The following GRID2 variants were observed in gnomAD, a reference collection of about 807,000 sequenced individuals.
GRID2 encodes the protein glutamate ionotropic receptor delta type subunit 2.
GRID2 carries 33 observed loss-of-function variants against 114.8 expected under a neutral mutation model. The observed-to-expected ratio is 0.29, with a 90% CI of 0.22 to 0.38. The LOEUF (loss-of-function observed/expected upper bound fraction) is 0.38. Ranked by LOEUF, GRID2 falls within the 10% of genes least tolerant of loss-of-function variation. The pLI is 1.00. For missense variants in GRID2, 1,184 were observed against 1,257.7 expected, an observed-to-expected ratio of 0.94 and a Z score of 0.89; for synonymous variants, 505 against 449.9, an observed-to-expected ratio of 1.12 and a Z score of -1.55.
At chr4:93,726,291 T>A (rs1297829251) in intron 14 of GRID2, among the ~76,000 whole-genome samples, 1 of 152,226 alleles carries the variant, frequency 6.6e-6, no homozygotes, top group East Asian at 1.9e-4. Flanking sequence ...GATCAGATAG[T>A]TGTAGATATG....
In GRID2 at chr4:92,672,857, A is replaced by G. The variant is rs1403248277; in HGVS notation, c.244+82571A>G. On this transcript the variant is annotated intron_variant, in intron 2 of 15. Coordinates refer to ENST00000282020, the MANE Select transcript of GRID2 (RefSeq NM_001510.4). ...ATTGTTCTCTTTGAACTATTTTGAAATGTACAATGAAATAATATTAACTAT... is the reference window on the plus strand; with the variant it reads ...ATTGTTCTCTTTGAACTATTTTGAAGTGTACAATGAAATAATATTAACTAT... 3.9e-5 allele frequency among the ~76,000 whole-genome samples: 6 copies of G among 152,168 alleles called. No individual in the cohort carries two copies. In the East Asian group the frequency reaches 1.2e-3, roughly 29 times the overall value.
intron 1 of GRID2, among the ~76,000 whole-genome samples, chr4:92,369,534 T>C (rs902023123): frequency 3.9e-5 from 6 of 152,222 alleles, no homozygotes; most frequent in African/African-American, 1.2e-4. Flanking sequence ...GACTGAACTA[T>C]GTACCTGTAA....
chr4:93,163,370 ATATATAT>A (rs1560941614), intron 4 of GRID2, among the ~76,000 whole-genome samples: 1 of 53,092 alleles, frequency 1.9e-5, no homozygotes, highest in African/African-American at 7.5e-5. Flanking sequence ...ATATATATAT[ATATATAT>A]ATATATATAT....
In GRID2 at chr4:92,711,795, C is replaced by T. The variant is rs1735267647; in HGVS notation, c.244+121509C>T. On this transcript the variant is annotated intron_variant, in intron 2 of 15. Transcript: ENST00000282020. ...GCAGACACCTGTAGTCTCAGCTACT[C>T]AGGAAGCTTAGGCAGGAGGATCACT... is the stretch of plus-strand genomic sequence containing the variant. Among the ~76,000 whole-genome samples, 3 of 152,152 alleles carry T rather than the reference C, an allele frequency of 2.0e-5. No homozygotes were observed. The South Asian group carries it at 6.2e-4, about 32-fold the overall frequency.
At chr4:92,640,442 G>A (rs1479327) in intron 2 of GRID2, among the ~76,000 whole-genome samples, 45,010 of 151,436 alleles carry the variant, frequency 0.3, 6,706 homozygotes, top group African/African-American at 0.36. Flanking sequence ...ATGTTAGAAT[G>A]CATGAAAAAT....
rs796103574 is a variant in GRID2 at position 92,440,916 on chromosome 4, G to A, written c.88+136172G>A. 3.3e-3 allele frequency among the ~76,000 whole-genome samples: 505 copies of A among 152,160 alleles called. 4 individuals carry two copies. The highest frequency in any genetic ancestry group is 0.011 in the African/African-American group (463 of 41,490). On this transcript the variant is annotated intron_variant, in intron 1 of 15. Transcript: ENST00000282020. ...AAGAGTGAGTATAGCTGAAGGAGCC[G>A]GGAAGCAGAAAGTATATGAATCAGG...
At chr4:92,719,841 G>A (rs376454889) in intron 2 of GRID2, among the ~76,000 whole-genome samples, 4 of 152,220 alleles carry the variant, frequency 2.6e-5, no homozygotes, top group African/African-American at 7.2e-5. Context: ...ATCAGAGAAT[G>A]AGCCAATTCT....
chr4:93,346,672 T>G (rs1015614803), intron 8 of GRID2, among the ~76,000 whole-genome samples: 5 of 152,188 alleles, frequency 3.3e-5, no homozygotes, highest in Non-Finnish European at 7.4e-5. Context: ...ATATCTTTCC[T>G]GGCTCATTTG....
intron 2 of GRID2, among the ~76,000 whole-genome samples, chr4:92,634,865 G>A (rs1288266928): frequency 5.1e-5 from 7 of 136,168 alleles, no homozygotes; most frequent in Non-Finnish European, 8.0e-5. Context: ...GAGACAGAGA[G>A]AGAGAGAGAG....
intron 8 of GRID2, among the ~76,000 whole-genome samples, chr4:93,272,524 TG>T (rs1751574407): frequency 6.6e-6 from 1 of 152,170 alleles, no homozygotes; most frequent in Non-Finnish European, 1.5e-5. Context: ...AGGGAGTGCA[TG>T]GTCTGAGAAG....
rs1460084906 is a variant in GRID2, at chr4:93,719,262, C to T, written c.2361-49948C>T. 7.2e-5 allele frequency among the ~76,000 whole-genome samples: 11 copies of T among 152,092 alleles called. No homozygotes were observed. The East Asian group carries it at 1.4e-3, about 19-fold the overall frequency. The stretch of plus-strand genomic sequence containing the variant: ...TTAAGTTGAATCTAACTCAATTTTA[C>T]AAGTTTGACAAGATAAACAGAAGAA... On this transcript the variant is annotated intron_variant, in intron 14 of 15. Coordinates refer to ENST00000282020, the MANE Select transcript of GRID2 (RefSeq NM_001510.4).
chr4:93,448,623 C>A (rs1003327351), intron 10 of GRID2, among the ~76,000 whole-genome samples: 4 of 151,704 alleles, frequency 2.6e-5, no homozygotes, highest in East Asian at 2.0e-4. Context: ...TTTAGAAGAA[C>A]AGTAAGAGAA....
At chr4:93,349,451 C>T (rs1166878331) in intron 8 of GRID2, among the ~76,000 whole-genome samples, 1 of 151,440 alleles carries the variant, frequency 6.6e-6, no homozygotes, top group Admixed American at 6.6e-5. Context: ...TTTCTTTTTT[C>T]TCTCTCATTC....
chr4:92,909,343 A>G (rs2149489337), intron 2 of GRID2, among the ~76,000 whole-genome samples: 1 of 152,178 alleles, frequency 6.6e-6, no homozygotes, highest in African/African-American at 2.4e-5. Context: ...CTCTAATAAA[A>G]GAGCACTTTT....
chr4:93,034,436 G>A (rs1013770275), intron 2 of GRID2, among the ~76,000 whole-genome samples: 4 of 152,132 alleles, frequency 2.6e-5, no homozygotes, highest in Admixed American at 6.6e-5. Flanking sequence ...GAAACAAGCC[G>A]ACAATAGTAA....
intron 2 of GRID2, among the ~76,000 whole-genome samples, chr4:92,726,355 C>T (rs185605194): frequency 7.0e-4 from 107 of 152,186 alleles, no homozygotes; most frequent in African/African-American, 2.4e-3. Flanking sequence ...GCAGCTGCAA[C>T]GTCACTCAGA....
chr4:93,170,912 A>C (rs1738749957), intron 4 of GRID2, among the ~76,000 whole-genome samples: 1 of 151,614 alleles, frequency 6.6e-6, no homozygotes, highest in African/African-American at 2.4e-5. Context: ...TTTACTTTTA[A>C]ATATACTCAG....
intron 14 of GRID2, among the ~76,000 whole-genome samples, chr4:93,629,114 AT>A (rs1350021393): frequency 6.6e-6 from 1 of 152,200 alleles, no homozygotes; most frequent in Non-Finnish European, 1.5e-5. Flanking sequence ...CGTAATAGTA[AT>A]TAAAGAAATG....
chr4:93,074,140 A>G (rs1156553008), intron 2 of GRID2, among the ~76,000 whole-genome samples: 1 of 152,236 alleles, frequency 6.6e-6, no homozygotes, highest in Non-Finnish European at 1.5e-5. Context: ...AGAGGAATCC[A>G]AAGCCTGTGG....
Sources: gnomAD v4.1 joint callset for allele counts (sites outside exome capture counted in the v4.1 genomes callset) on GRCh38, gnomAD v4.1.1 for gene constraint, MANE v1.5 for transcripts, NCBI Gene and HGNC (gene_info 2026-07-23, HGNC 2026-07-21) for gene names.